ADAMTS6: variants seen among roughly 807,000 people sequenced by gnomAD.
The protein encoded by ADAMTS6 is A disintegrin and metalloproteinase with thrombospondin motifs 6.
A neutral mutation model predicts 144.3 loss-of-function variants in ADAMTS6; 23 were observed. That is an observed-to-expected ratio of 0.16 (90% confidence interval 0.11 to 0.23). The LOEUF is 0.23. Ranked by LOEUF, ADAMTS6 falls within the 10% of genes least tolerant of loss-of-function variation. The pLI is 1.00. For synonymous variants in ADAMTS6, 444 were observed against 457.5 expected (o/e 0.97, Z 0.38); for missense variants, 999 against 1,379.6 (o/e 0.72, Z 4.37).
chr5:65,174,176 A>T (rs1753807771), intron 22 of ADAMTS6, among the ~76,000 whole-genome samples: 1 of 152,212 alleles, frequency 6.6e-6, no homozygotes, highest in South Asian at 2.1e-4. Context: ...AAATGAATGA[A>T]ATAGGAGCTC....
chr5:65,223,831 G>A (rs893615210), intron 18 of ADAMTS6, among the ~76,000 whole-genome samples: 13 of 144,518 alleles, frequency 9.0e-5, no homozygotes, highest in Admixed American at 2.1e-4. Context: ...ACGGAGTCTC[G>A]CTCAGTCCCC....
At chr5:65,223,182 C>A (rs922173777) in intron 18 of ADAMTS6, among the ~76,000 whole-genome samples, 1 of 151,826 alleles carries the variant, frequency 6.6e-6, no homozygotes, top group Non-Finnish European at 1.5e-5. Flanking sequence ...TTCATACTTT[C>A]TTTTTTTTCC....
At chr5:65,385,931 T>C (rs891660122) in intron 7 of ADAMTS6, among the ~76,000 whole-genome samples, 34 of 152,224 alleles carry the variant, frequency 2.2e-4, no homozygotes, top group Admixed American at 1.4e-3. Flanking sequence ...TGGCTGAGCA[T>C]TGGAGAAGGG....
chr5:65,313,582 T>C (rs758215028), intron 9 of ADAMTS6, among the ~76,000 whole-genome samples: 1 of 152,028 alleles, frequency 6.6e-6, no homozygotes, highest in Non-Finnish European at 1.5e-5. Context: ...TGTTCTAATC[T>C]GAAAAATCTA....
chr5:65,350,267 T>C (rs889907437), intron 7 of ADAMTS6, among the ~76,000 whole-genome samples: 1 of 152,240 alleles, frequency 6.6e-6, no homozygotes, highest in South Asian at 2.1e-4. Context: ...TTCTTTTTTG[T>C]CTGACCTTCA....
chr5:65,256,106 G>C (rs1237102005), intron 14 of ADAMTS6, among the ~76,000 whole-genome samples: 1 of 152,178 alleles, frequency 6.6e-6, no homozygotes, highest in Non-Finnish European at 1.5e-5. Flanking sequence ...CTGTTGCATA[G>C]CTAGACTGTC....
intron 11 of ADAMTS6, among the ~76,000 whole-genome samples, chr5:65,280,275 C>T (rs1490606966): frequency 6.6e-6 from 1 of 152,126 alleles, no homozygotes; most frequent in Non-Finnish European, 1.5e-5. Context: ...ACATTTGCCT[C>T]CAATAGAAAC....
chr5:65,156,904 G>A (rs964559651), intron 24 of ADAMTS6, among the ~76,000 whole-genome samples: 2 of 152,138 alleles, frequency 1.3e-5, no homozygotes, highest in African/African-American at 4.8e-5. Flanking sequence ...CTTATCTTGT[G>A]GTTTCTAGTT....
intron 7 of ADAMTS6, chr5:65,415,790 C>A (rs1456601814): frequency 7.7e-6 from 2 of 258,292 alleles, no homozygotes; most frequent in East Asian, 1.3e-4. Flanking sequence ...GTGGCCACTG[C>A]CATACACGAG....
intron 21 of ADAMTS6, among the ~76,000 whole-genome samples, chr5:65,196,001 G>A (rs1180849703): frequency 4.6e-5 from 7 of 152,166 alleles, no homozygotes; most frequent in Non-Finnish European, 1.0e-4. Flanking sequence ...TATAATGTGT[G>A]GCTCATTGAG....
chr5:65,378,522 G>A lies in ADAMTS6; in HGVS notation c.1074-44437C>T, dbSNP rs375397053. On this transcript the variant is annotated intron_variant, in intron 7 of 24. Coordinates refer to ENST00000381055, the MANE Select transcript of ADAMTS6 (RefSeq NM_197941.4). ...GCTTTCTTCACTCCTCTCAATATGC[G>A]TGAAATTACATAATTCTCTTAAAAA... 5.3e-5 allele frequency among the ~76,000 whole-genome samples: 8 copies of A among 152,152 alleles called. No individual in the cohort carries two copies. The East Asian group carries it at 1.2e-3, about 22-fold the overall frequency.
intron 7 of ADAMTS6, among the ~76,000 whole-genome samples, chr5:65,360,443 T>C (rs1025742299): frequency 6.6e-6 from 1 of 152,106 alleles, no homozygotes; most frequent in Admixed American, 6.6e-5. Flanking sequence ...GTAAAGCATA[T>C]GTTAATTAGC....
intron 7 of ADAMTS6, among the ~76,000 whole-genome samples, chr5:65,411,419 A>C (rs1046907622): frequency 6.6e-5 from 10 of 152,192 alleles, no homozygotes; most frequent in African/African-American, 2.4e-4. Context: ...TTTTGAATAA[A>C]AAGTCTTTAT....
chr5:65,275,415 GAAAAGAA>G (rs1762443371), intron 11 of ADAMTS6, among the ~76,000 whole-genome samples: 2 of 120,794 alleles, frequency 1.7e-5, no homozygotes, highest in African/African-American at 3.2e-5. Context: ...AAGAAAGAAA[GAAAAGAA>G]AGAAAGAAAG....
At position 65,220,612 on chromosome 5, in the gene ADAMTS6, A is replaced by G. The variant is rs1268717606; in HGVS notation, c.2272+3708T>C. 2.6e-5 allele frequency among the ~76,000 whole-genome samples: 4 copies of G among 151,998 alleles called. No homozygotes were observed. The East Asian group carries it at 5.8e-4, about 22-fold the overall frequency. The stretch of plus-strand genomic sequence containing the variant: ...TTACAAAAAAATTAGCCGGGCGTCA[A>G]CGTGGGTGCCTGTAGTCCCAGCTAC... On this transcript the variant is annotated intron_variant, in intron 18 of 24. Coordinates refer to ENST00000381055, the MANE Select transcript of ADAMTS6 (RefSeq NM_197941.4).
At chr5:65,410,266 T>G (rs934265857) in intron 7 of ADAMTS6, among the ~76,000 whole-genome samples, 2 of 152,220 alleles carry the variant, frequency 1.3e-5, no homozygotes, top group Non-Finnish European at 2.9e-5. Flanking sequence ...CATTTCTTCA[T>G]GTATAAATTA....
chr5:65,241,685 A>G (rs1759200186), intron 15 of ADAMTS6, among the ~76,000 whole-genome samples: 1 of 152,198 alleles, frequency 6.6e-6, no homozygotes, highest in East Asian at 1.9e-4. Flanking sequence ...GCCTTTGACT[A>G]AGCAACGACA....
At chr5:65,448,690 T>A (rs1023491834) in intron 7 of ADAMTS6, among the ~76,000 whole-genome samples, 1 of 152,060 alleles carries the variant, frequency 6.6e-6, no homozygotes, top group African/African-American at 2.4e-5. Flanking sequence ...CCTGACCTCA[T>A]GATCCGCCCT....
At chr5:65,439,462 T>C (rs755908911) in intron 7 of ADAMTS6, among the ~76,000 whole-genome samples, 25 of 152,154 alleles carry the variant, frequency 1.6e-4, no homozygotes, top group Non-Finnish European at 2.5e-4. Flanking sequence ...AAGGACATAA[T>C]GTATAATCCT....
Sources: gnomAD v4.1 joint callset for allele counts (sites outside exome capture counted in the v4.1 genomes callset) on GRCh38, gnomAD v4.1.1 for gene constraint, MANE v1.5 for transcripts, NCBI Gene and HGNC (gene_info 2026-07-23, HGNC 2026-07-21) for gene names.